The following OTOGL variants were observed in gnomAD, a reference collection of about 807,000 sequenced individuals.
OTOGL encodes the protein otogelin like, also known as otogelin-like protein.
In OTOGL, 285 loss-of-function variants were observed where a neutral mutation model predicts 318.5. The ratio of observed to expected loss-of-function variants is 0.89; its 90% confidence interval spans 0.81 to 0.99. The LOEUF is 0.99. Among genes scored for constraint, OTOGL ranks in the 50% least tolerant of loss-of-function variants. The pLI, the probability that OTOGL is intolerant of heterozygous loss-of-function variation, is 0.00. For missense variants in OTOGL, 2,899 were observed against 2,845.6 expected (o/e 1.02, Z -0.43); for synonymous variants, 987 against 936.5 (o/e 1.05, Z -0.99).
chr12:80,207,316 C>T (rs1295015887), intron 1 of OTOGL, among the ~76,000 whole-genome samples: 2 of 152,156 alleles, frequency 1.3e-5, no homozygotes, highest in Non-Finnish European at 2.9e-5. Context: ...ATTCTCCTGC[C>T]TCAGCCTCCT....
At chr12:80,171,839 T>G (rs34126706) in intron 1 of OTOGL, among the ~76,000 whole-genome samples, 1 of 152,174 alleles carries the variant, frequency 6.6e-6, no homozygotes, top group East Asian at 1.9e-4. Context: ...TATCTTTTGA[T>G]TCTATAAATA....
rs1247051523 is a variant in OTOGL at position 80,372,422 on chromosome 12, G to T, written c.6781+358G>T. Among the ~76,000 whole-genome samples the T allele has an allele frequency of 2.6e-5, 4 of 151,940 alleles. No homozygotes were observed. In the South Asian group the frequency reaches 6.2e-4, roughly 24 times the overall value. On this transcript the variant is annotated intron_variant, in intron 57 of 58. Coordinates refer to ENST00000547103, the MANE Select transcript of OTOGL (RefSeq NM_001378609.3). ...TATATTTAAAATTTAAAAATGTTTTGTGATCATATTTGTTTGAACCATGCT... is the reference window on the plus strand; with the variant it reads ...TATATTTAAAATTTAAAAATGTTTTTTGATCATATTTGTTTGAACCATGCT...
At chr12:80,239,185 A>T in intron 10 of OTOGL, 148 bp from the exon 11 acceptor site, 1 of 910,008 alleles carries the variant, frequency 1.1e-6, no homozygotes, top group South Asian at 2.2e-5. Context: ...AAAATAATGT[A>T]GTCAGAAAAA....
At chr12:80,246,180 C>T (rs985637387) in intron 11 of OTOGL, among the ~76,000 whole-genome samples, 1 of 150,548 alleles carries the variant, frequency 6.6e-6, no homozygotes, top group Admixed American at 6.6e-5. Flanking sequence ...ATTGCCCTGG[C>T]CAGAACTTCC....
intron 1 of OTOGL, among the ~76,000 whole-genome samples, chr12:80,161,339 G>A (rs934475516): frequency 6.6e-6 from 1 of 152,040 alleles, no homozygotes; most frequent in Admixed American, 6.6e-5. Context: ...ATGAGAATAA[G>A]TAGGATATAA....
intron 1 of OTOGL, among the ~76,000 whole-genome samples, chr12:80,138,848 G>A (rs1871744226): frequency 1.3e-5 from 2 of 152,088 alleles, no homozygotes; most frequent in Admixed American, 6.6e-5. Flanking sequence ...TGTTTTTTGA[G>A]TGAATGAATA....
intron 1 of OTOGL, among the ~76,000 whole-genome samples, chr12:80,195,183 T>C (rs1875971390): frequency 6.6e-6 from 1 of 152,222 alleles, no homozygotes; most frequent in African/African-American, 2.4e-5. Flanking sequence ...AAAAGTCTCA[T>C]ATGTCAACAA....
intron 1 of OTOGL, among the ~76,000 whole-genome samples, chr12:80,183,578 G>C (rs1875079465): frequency 6.6e-6 from 1 of 152,160 alleles, no homozygotes; most frequent in Non-Finnish European, 1.5e-5. Flanking sequence ...TAAATGTGTT[G>C]ATCTGGAGCT....
rs1229311666 is a variant in OTOGL at position 80,358,327 on chromosome 12, C to G, written c.6099C>G (p.Phe2033Leu). 6.2e-7 allele frequency: 1 copy of G among 1,602,330 alleles called. No homozygotes were observed. The highest frequency in any genetic ancestry group is 8.5e-7 in the Non-Finnish European group (1 of 1,170,656). Residue 2033 changes from phenylalanine to leucine, a missense_variant, in exon 50 of 59, where the codon TTC (phenylalanine) becomes TTG (leucine). Coordinates refer to ENST00000547103, the MANE Select transcript of OTOGL (RefSeq NM_001378609.3). ...FLTVDLNSTH[F>L]CCPQYYCVCE... ...CAGTAGATCTTAATAGCACACACTT[C>G]TGTTGTCCTCAGTATTACTGTGGTA...
intron 26 of OTOGL, among the ~76,000 whole-genome samples, chr12:80,284,598 G>A (rs528119388): frequency 5.3e-5 from 8 of 152,278 alleles, no homozygotes; most frequent in African/African-American, 1.7e-4. Flanking sequence ...ATATCTCATT[G>A]TGGTTTTGAT....
intron 1 of OTOGL, among the ~76,000 whole-genome samples, chr12:80,205,916 C>T (rs1876776802): frequency 1.3e-5 from 2 of 152,172 alleles, no homozygotes; most frequent in South Asian, 2.1e-4. Context: ...TTTTCCCATT[C>T]TTGCCAGTTG....
intron 18 of OTOGL, among the ~76,000 whole-genome samples, chr12:80,260,772 T>C (rs1882464287): frequency 6.6e-6 from 1 of 152,086 alleles, no homozygotes; most frequent in African/African-American, 2.4e-5. Flanking sequence ...CTAAATGAAA[T>C]AAGAGAGCCA....
intron 33 of OTOGL, among the ~76,000 whole-genome samples, chr12:80,319,636 T>C (rs1435531937): frequency 3.3e-5 from 5 of 152,146 alleles, no homozygotes; most frequent in African/African-American, 1.2e-4. Context: ...TGAAATAATA[T>C]TGAATTTGGG....
intron 1 of OTOGL, among the ~76,000 whole-genome samples, chr12:80,137,353 A>G (rs1871644148): frequency 6.6e-6 from 1 of 152,170 alleles, no homozygotes; most frequent in Non-Finnish European, 1.5e-5. Flanking sequence ...TCAATTGTGA[A>G]CACTTATTTT....
At chr12:80,190,723 C>A (rs572942012) in intron 1 of OTOGL, among the ~76,000 whole-genome samples, 5 of 135,902 alleles carry the variant, frequency 3.7e-5, no homozygotes, top group Non-Finnish European at 7.6e-5. Flanking sequence ...AGAGGCGGAG[C>A]TTGCAGTGAG....
Position 80,336,409 on chromosome 12 carries a change from A to T in OTOGL, c.4601-4A>T, listed in dbSNP as rs375236755. The T allele has an allele frequency of 2.4e-5, 38 of 1,580,340 alleles. No homozygotes were observed. Among genetic ancestry groups the T allele is most frequent in the Non-Finnish European group, 3.0e-5 (35 of 1,166,524 alleles). ...ACTAAATCCACTTTCCACCATTTTT[A>T]TAGGTCGGTGTTCCATGTTGTCAGA... is the stretch of plus-strand genomic sequence containing the variant. On this transcript the variant is annotated splice_region_variant and splice_polypyrimidine_tract_variant and intron_variant, in intron 39 of 58. Coordinates refer to ENST00000547103, the MANE Select transcript of OTOGL (RefSeq NM_001378609.3).
chr12:80,209,539 A>G (rs1877079876), intron 2 of OTOGL, 29 bp downstream of exon 2: 2 of 1,361,848 alleles, frequency 1.5e-6, no homozygotes, highest in Admixed American at 4.2e-5. Flanking sequence ...TTTTTATGTT[A>G]ATTTATTGTA....
chr12:80,343,789 A>G (rs868286161), intron 44 of OTOGL: 6 of 152,168 alleles, frequency 3.9e-5, no homozygotes, highest in African/African-American at 1.4e-4. Flanking sequence ...TCTCTCTCAC[A>G]TCGGTTTTTC....
In OTOGL at chr12:80,358,714, A is replaced by G. The variant is rs752231395; in HGVS notation, c.6165A>G (p.Ala2055=). Residue 2055 remains alanine, a synonymous_variant, in exon 51 of 59, where the codon GCA becomes GCG. Transcript: ENST00000547103. ...GTCCTATGCCATTACTCAACTGTGC[A>G]GAAGATATGAATCTTGTGAAAGAAA... The part of the protein sequence containing the change: ...NLCPMPLLNC[A]EDMNLVKENV... 2.5e-6 allele frequency: 4 copies of G among 1,613,434 alleles called. No individual in the cohort carries two copies. Among genetic ancestry groups the G allele is most frequent in the Non-Finnish European group, 3.4e-6 (4 of 1,179,540 alleles).
Sources: allele counts gnomAD v4.1 joint callset (sites outside exome capture counted in the v4.1 genomes callset), GRCh38; gene constraint gnomAD v4.1.1; transcripts MANE v1.5; gene names NCBI Gene and HGNC (gene_info 2026-07-23, HGNC 2026-07-21).